The following UBE2H variants were observed in gnomAD, a reference collection of about 807,000 sequenced individuals.
UBE2H encodes ubiquitin conjugating enzyme E2 H.
Under a neutral mutation model 29.0 loss-of-function variants are expected in UBE2H, and 3 were observed. That is an observed-to-expected ratio of 0.10 (90% CI 0.05 to 0.27). The LOEUF is 0.27. Among genes scored for constraint, UBE2H ranks in the 10% least tolerant of loss-of-function variants. The probability of loss-of-function intolerance (pLI) is 1.00; values close to 1 mark genes in which losing one functional copy is unlikely to be tolerated. For synonymous variants in UBE2H, 69 were observed against 82.9 expected, an observed-to-expected ratio of 0.83 and a Z score of 0.91; for missense variants, 68 against 228.2, an observed-to-expected ratio of 0.30 and a Z score of 4.52.
At chr7:129,896,780 T>C (rs940524251) in intron 1 of UBE2H, among the ~76,000 whole-genome samples, 3 of 152,216 alleles carry the variant, frequency 2.0e-5, no homozygotes, top group African/African-American at 4.8e-5. Context: ...TCAATGAAGA[T>C]AGCATTTAGC....
At chr7:129,911,006 G>A (rs1484854208) in intron 1 of UBE2H, among the ~76,000 whole-genome samples, 1 of 152,134 alleles carries the variant, frequency 6.6e-6, no homozygotes, top group Non-Finnish European at 1.5e-5. Flanking sequence ...GTCCAGGTAA[G>A]GTCCCGAGGC....
intron 1 of UBE2H, among the ~76,000 whole-genome samples, chr7:129,916,330 T>C (rs1339759720): frequency 6.6e-6 from 1 of 151,914 alleles, no homozygotes; most frequent in Non-Finnish European, 1.5e-5. Flanking sequence ...AATCAACAAC[T>C]CAGCTTCTAC....
chr7:129,858,155 A>C (rs1805739501), intron 4 of UBE2H, among the ~76,000 whole-genome samples: 1 of 152,228 alleles, frequency 6.6e-6, no homozygotes, highest in East Asian at 1.9e-4. Flanking sequence ...CAGTAGATTA[A>C]ATAAGTATTG....
At chr7:129,853,181 C>G (rs1805641943) in intron 5 of UBE2H, among the ~76,000 whole-genome samples, 2 of 152,154 alleles carry the variant, frequency 1.3e-5, no homozygotes, top group Non-Finnish European at 2.9e-5. Flanking sequence ...GTGAAGGCAC[C>G]TGGGCCCCCA....
At chr7:129,857,677 A>C (rs1805730329) in intron 4 of UBE2H, 114 bp from the exon 5 acceptor site, 1 of 1,140,140 alleles carries the variant, frequency 8.8e-7, no homozygotes, top group African/African-American at 1.6e-5. Flanking sequence ...CTGTGAAAAA[A>C]AGAATCCCAA....
At chr7:129,945,009 AC>A (rs1359977024) in intron 1 of UBE2H, among the ~76,000 whole-genome samples, 1 of 152,188 alleles carries the variant, frequency 6.6e-6, no homozygotes, top group Non-Finnish European at 1.5e-5. Context: ...AAGTGAAAGA[AC>A]CCACACAAAA....
At chr7:129,847,330 G>A (rs562873133) in intron 5 of UBE2H, among the ~76,000 whole-genome samples, 13 of 152,094 alleles carry the variant, frequency 8.5e-5, no homozygotes, top group Admixed American at 2.6e-4. Context: ...ATGAGCCACC[G>A]CGCCTGGCCA....
intron 5 of UBE2H, among the ~76,000 whole-genome samples, chr7:129,856,116 G>C (rs1437215078): frequency 6.6e-6 from 1 of 152,140 alleles, no homozygotes; most frequent in African/African-American, 2.4e-5. Context: ...TGGAGGCAGG[G>C]ATTAACTGTG....
At chr7:129,915,699 G>A (rs1171780824) in intron 1 of UBE2H, among the ~76,000 whole-genome samples, 1 of 152,136 alleles carries the variant, frequency 6.6e-6, no homozygotes. Flanking sequence ...TTAACTCCTT[G>A]TAAAACAGCC....
chr7:129,889,898 G>A (rs1420698984), intron 1 of UBE2H, among the ~76,000 whole-genome samples: 7 of 152,250 alleles, frequency 4.6e-5, no homozygotes, highest in East Asian at 1.9e-4. Flanking sequence ...GCTGACAGGG[G>A]AGGATCACAT....
At chr7:129,916,960 C>G (rs987940098) in intron 1 of UBE2H, among the ~76,000 whole-genome samples, 6 of 149,970 alleles carry the variant, frequency 4.0e-5, no homozygotes, top group African/African-American at 1.5e-4. Flanking sequence ...TGGCGTGAAC[C>G]TGGGAGGCGG....
At chr7:129,838,919 G>T (rs1270595086) in intron 6 of UBE2H, among the ~76,000 whole-genome samples, 1 of 152,198 alleles carries the variant, frequency 6.6e-6, no homozygotes, top group Non-Finnish European at 1.5e-5. Flanking sequence ...TTACAGGCGT[G>T]AGCCACCACG....
At chr7:129,936,160 A>T (rs1445602578) in intron 1 of UBE2H, among the ~76,000 whole-genome samples, 1 of 152,220 alleles carries the variant, frequency 6.6e-6, no homozygotes, top group African/African-American at 2.4e-5. Flanking sequence ...CTGACAAAAC[A>T]CTTTAAGAAT....
chr7:129,834,783 A>C lies in UBE2H; in HGVS notation c.*154T>G. On this transcript the variant is annotated 3_prime_UTR_variant, in exon 7 of 7. Transcript: ENST00000355621. The stretch of plus-strand genomic sequence containing the variant: ...AGAAATGACCAAGAAATCAAGATCT[A>C]AAGGGTGATATATAATATATATATA... 1 of 865,626 alleles carries C rather than the reference A, an allele frequency of 1.2e-6. No individual in the cohort carries two copies. Among genetic ancestry groups the C allele is most frequent in the East Asian group, 2.9e-5 (1 of 34,642 alleles). The allele number at this position is 865,626 out of a possible 1,614,324, so 53.6% of individuals were successfully genotyped here. A position where few individuals can be genotyped will look rare whatever the true frequency, so the allele number is the denominator to read the frequency against.
At chr7:129,895,261 G>A (rs2727482) in intron 1 of UBE2H, among the ~76,000 whole-genome samples, 97,714 of 151,868 alleles carry the variant, frequency 0.64, 32,453 homozygotes, top group East Asian at 0.88. Flanking sequence ...TGGGGGCTAT[G>A]GCATGAAGGG....
chr7:129,841,300 A>G (rs1460831482), intron 5 of UBE2H, among the ~76,000 whole-genome samples: 1 of 152,192 alleles, frequency 6.6e-6, no homozygotes, highest in Non-Finnish European at 1.5e-5. Flanking sequence ...CAAGTACCCA[A>G]GGTCTGCCCA....
At chr7:129,854,594 T>C (rs1000275301) in intron 5 of UBE2H, among the ~76,000 whole-genome samples, 1 of 152,250 alleles carries the variant, frequency 6.6e-6, no homozygotes, top group Admixed American at 6.5e-5. Context: ...TGCAAGCTAA[T>C]GTAAGTACAC....
intron 6 of UBE2H, among the ~76,000 whole-genome samples, chr7:129,836,098 A>G (rs114715279): frequency 8.4e-4 from 128 of 152,348 alleles, no homozygotes; most frequent in African/African-American, 3.0e-3. Context: ...CAAATTCATT[A>G]TAACAAAATT....
At chr7:129,836,656 T>G (rs1224981670) in intron 6 of UBE2H, among the ~76,000 whole-genome samples, 2 of 151,930 alleles carry the variant, frequency 1.3e-5, no homozygotes, top group Non-Finnish European at 1.5e-5. Context: ...AAGGCGGGTA[T>G]ATCACCTGAG....
Sources: gnomAD v4.1 joint callset for allele counts (sites outside exome capture counted in the v4.1 genomes callset) on GRCh38, gnomAD v4.1.1 for gene constraint, MANE v1.5 for transcripts, NCBI Gene and HGNC (gene_info 2026-07-23, HGNC 2026-07-21) for gene names.